The following PARD3B variants were observed in gnomAD, a reference collection of about 807,000 sequenced individuals.
PARD3B encodes the protein par-3 family cell polarity regulator beta.
PARD3B carries 103 observed loss-of-function variants against 130.2 expected under a neutral mutation model. The ratio of observed to expected loss-of-function variants is 0.79; its 90% CI spans 0.67 to 0.93. The LOEUF is 0.93. Ranked by LOEUF, PARD3B falls within the 40% of genes least tolerant of loss-of-function variation. The pLI, the probability that PARD3B is intolerant of heterozygous loss-of-function variation, is 0.00. For synonymous variants in PARD3B, 583 were observed against 553.2 expected (o/e 1.05, Z -0.76); for missense variants, 1,609 against 1,499.2 (o/e 1.07, Z -1.21).
At chr2:204,706,071 C>G (rs2038132807) in intron 2 of PARD3B, among the ~76,000 whole-genome samples, 1 of 152,088 alleles carries the variant, frequency 6.6e-6, no homozygotes, top group Non-Finnish European at 1.5e-5. Flanking sequence ...TGTAGTTTTG[C>G]ATGTCTTTGC....
intron 21 of PARD3B, among the ~76,000 whole-genome samples, chr2:205,506,324 T>C (rs1218039329): frequency 7.4e-6 from 1 of 135,746 alleles, no homozygotes; most frequent in Non-Finnish European, 1.6e-5. Flanking sequence ...AGAGTGAGAC[T>C]CTGTCTCAAA....
intron 22 of PARD3B, among the ~76,000 whole-genome samples, chr2:205,565,865 T>C (rs1448688897): frequency 1.3e-5 from 2 of 150,126 alleles, no homozygotes; most frequent in African/African-American, 4.9e-5. Flanking sequence ...AAGATAGTAA[T>C]TCAGCAGTCA....
At chr2:204,905,815 G>T (rs1021495279) in intron 2 of PARD3B, among the ~76,000 whole-genome samples, 3 of 152,142 alleles carry the variant, frequency 2.0e-5, no homozygotes, top group Admixed American at 6.5e-5. Context: ...CACTTAAAAG[G>T]GTTAGTCGGG....
chr2:204,876,171 G>A (rs1320813899), intron 2 of PARD3B, among the ~76,000 whole-genome samples: 1 of 152,132 alleles, frequency 6.6e-6, no homozygotes, highest in Admixed American at 6.5e-5. Flanking sequence ...GAAGTAAAAA[G>A]GACATACTGT....
At chr2:204,802,231 T>G (rs190506930) in intron 2 of PARD3B, among the ~76,000 whole-genome samples, 23 of 152,214 alleles carry the variant, frequency 1.5e-4, no homozygotes, top group Admixed American at 2.6e-4. Context: ...CCAATAAACA[T>G]ATGAACAAAA....
chr2:204,980,572 T>C (rs1271579317), intron 3 of PARD3B, among the ~76,000 whole-genome samples: 1 of 152,164 alleles, frequency 6.6e-6, no homozygotes, highest in Non-Finnish European at 1.5e-5. Context: ...AAGATTATTA[T>C]CTCCAGGCAT....
chr2:205,171,637 T>C (rs1180846400), intron 11 of PARD3B, among the ~76,000 whole-genome samples: 2 of 152,250 alleles, frequency 1.3e-5, no homozygotes, highest in African/African-American at 4.8e-5. Context: ...GGCCCTTTTC[T>C]ACACACCTCT....
chr2:205,356,997 T>C (rs1290741692), intron 18 of PARD3B, among the ~76,000 whole-genome samples: 2 of 152,120 alleles, frequency 1.3e-5, no homozygotes, highest in African/African-American at 2.4e-5. Flanking sequence ...CAAACTATTA[T>C]CTATTGTTTC....
intron 2 of PARD3B, among the ~76,000 whole-genome samples, chr2:204,864,561 T>TA (rs1486904880): frequency 1.3e-5 from 2 of 152,142 alleles, no homozygotes; most frequent in Non-Finnish European, 2.9e-5. Context: ...ATTCAAAGAG[T>TA]GCTTCTCTGA....
intron 4 of PARD3B, among the ~76,000 whole-genome samples, chr2:205,103,163 T>TTTTTTATATTTATGTAAAATAAAC: frequency 1.7e-5 from 1 of 57,458 alleles, no homozygotes; most frequent in Admixed American, 2.2e-4. Context: ...AAAATAAACA[T>TTTTTTATATTTATGTAAAATAAAC]ATTTTATATT....
At chr2:205,081,806 C>T (rs1314452535) in intron 4 of PARD3B, among the ~76,000 whole-genome samples, 1 of 151,984 alleles carries the variant, frequency 6.6e-6, no homozygotes, top group African/African-American at 2.4e-5. Context: ...AATATTTTTG[C>T]CTCTCTATTT....
At chr2:205,279,086 A>AAAAC (rs1553657217) in intron 16 of PARD3B, among the ~76,000 whole-genome samples, 5 of 150,778 alleles carry the variant, frequency 3.3e-5, no homozygotes, top group Middle Eastern at 3.4e-3. Flanking sequence ...AAAAAAAAAA[A>AAAAC]AAAAAAAAAA....
intron 20 of PARD3B, among the ~76,000 whole-genome samples, chr2:205,452,910 A>G (rs2048153394): frequency 6.6e-6 from 1 of 152,176 alleles, no homozygotes; most frequent in Admixed American, 6.5e-5. Flanking sequence ...ATGTTTGCCA[A>G]AGGGTTACCC....
At chr2:205,353,637 C>T (rs746322251) in intron 18 of PARD3B, among the ~76,000 whole-genome samples, 1 of 152,124 alleles carries the variant, frequency 6.6e-6, no homozygotes, top group Non-Finnish European at 1.5e-5. Flanking sequence ...ATGACTGAAA[C>T]CTTTTGTTTC....
At chr2:205,313,664 C>G (rs1466164219) in intron 18 of PARD3B, among the ~76,000 whole-genome samples, 1 of 152,118 alleles carries the variant, frequency 6.6e-6, no homozygotes, top group East Asian at 1.9e-4. Context: ...GTGCACAGCT[C>G]CCATTAACGT....
chr2:204,580,098 G>T (rs530270698), intron 1 of PARD3B, among the ~76,000 whole-genome samples: 1 of 152,178 alleles, frequency 6.6e-6, no homozygotes, highest in Non-Finnish European at 1.5e-5. Flanking sequence ...GACCCAGGGG[G>T]ACCCATAGTC....
chr2:205,174,232 C>T (rs976963390), intron 12 of PARD3B, among the ~76,000 whole-genome samples: 1 of 152,178 alleles, frequency 6.6e-6, no homozygotes, highest in Non-Finnish European at 1.5e-5. Flanking sequence ...ATGAAACTCT[C>T]ATTTGTTGCC....
intron 2 of PARD3B, among the ~76,000 whole-genome samples, chr2:204,809,863 T>A (rs10432520): frequency 6.6e-6 from 1 of 151,968 alleles, no homozygotes; most frequent in African/African-American, 2.4e-5. Context: ...ATTGATTCTT[T>A]CTATCCATGA....
chr2:205,554,675 C>T (rs556253398), intron 22 of PARD3B, among the ~76,000 whole-genome samples: 12 of 152,044 alleles, frequency 7.9e-5, no homozygotes, highest in Non-Finnish European at 1.6e-4. Flanking sequence ...AATCTCAGAT[C>T]GAAAATATCC....
Sources: gnomAD v4.1 joint callset for allele counts (sites outside exome capture counted in the v4.1 genomes callset) on GRCh38, gnomAD v4.1.1 for gene constraint, MANE v1.5 for transcripts, NCBI Gene and HGNC (gene_info 2026-07-23, HGNC 2026-07-21) for gene names.